LPP: variants seen among roughly 807,000 people sequenced by gnomAD.
The protein encoded by LPP is LIM domain containing preferred translocation partner in lipoma, also known as lipoma-preferred partner.
Under a neutral mutation model 60.4 loss-of-function variants are expected in LPP, and 38 were observed. That is an observed-to-expected ratio of 0.63 (90% confidence interval 0.49 to 0.83). The LOEUF (loss-of-function observed/expected upper bound fraction) is 0.83, where lower values mean the gene tolerates loss of function less well. Ranked by LOEUF, LPP falls within the 40% of genes least tolerant of loss-of-function variation. The pLI is 0.00. For missense variants in LPP, 902 were observed against 783.6 expected (o/e 1.15, Z -1.80); for synonymous variants, 328 against 290.8 (o/e 1.13, Z -1.30).
intron 9 of LPP, among the ~76,000 whole-genome samples, chr3:188,797,022 C>G (rs1745570716): frequency 6.6e-6 from 1 of 152,170 alleles, no homozygotes; most frequent in African/African-American, 2.4e-5. Context: ...GCTTCCATCT[C>G]CACAGACTCT....
At chr3:188,361,408 C>T (rs1010817252) in intron 3 of LPP, among the ~76,000 whole-genome samples, 4 of 150,924 alleles carry the variant, frequency 2.7e-5, no homozygotes, top group African/African-American at 4.9e-5. Context: ...TAGGTTTTTT[C>T]CTTCTTTCAT....
chr3:188,616,272 AG>A (rs1844833397), intron 7 of LPP, among the ~76,000 whole-genome samples: 1 of 152,196 alleles, frequency 6.6e-6, no homozygotes, highest in Non-Finnish European at 1.5e-5. Context: ...ATAAGGTGTA[AG>A]GAAGTAGTCC....
chr3:188,509,775 C>T (rs1483113083), intron 5 of LPP, among the ~76,000 whole-genome samples: 3 of 150,778 alleles, frequency 2.0e-5, no homozygotes, highest in African/African-American at 7.3e-5. Context: ...TCACTGCAAA[C>T]TCCGCCTCCT....
intron 9 of LPP, among the ~76,000 whole-genome samples, chr3:188,838,416 A>G (rs1187402993): frequency 1.3e-5 from 2 of 152,188 alleles, no homozygotes; most frequent in Non-Finnish European, 2.9e-5. Context: ...AACATTTGAC[A>G]TAATCAGAGT....
At position 188,872,690 on chromosome 3, in the gene LPP, C is replaced by T. The variant is rs1768436688; in HGVS notation, c.1637C>T (p.Ala546Val). Reference sequence around the variant, plus strand: ...GTGTGCAAGGAGCCTATTATGCCAGCCCCGGGCCAGGAGGAGACTGTCCGT... The same window carrying T: ...GTGTGCAAGGAGCCTATTATGCCAGTCCCGGGCCAGGAGGAGACTGTCCGT... ...CSVCKEPIMP[A>V]PGQEETVRIV... Residue 546 changes from alanine to valine, a missense_variant, in exon 11 of 12, where the codon GCC becomes GTC. Ala to Val is a moderately conservative substitution (Grantham distance 64, BLOSUM62 0). Transcript: ENST00000617246. 4 of 1,613,974 alleles carry T rather than the reference C, an allele frequency of 2.5e-6. No individual in the cohort carries two copies. Among genetic ancestry groups the T allele is most frequent in the African/African-American group, 1.3e-5 (1 of 74,916 alleles).
intron 7 of LPP, among the ~76,000 whole-genome samples, chr3:188,703,995 C>T (rs2149632365): frequency 6.6e-6 from 1 of 152,206 alleles, no homozygotes; most frequent in South Asian, 2.1e-4. Context: ...AGACTGAAGA[C>T]AGGAATTATC....
intron 1 of LPP, among the ~76,000 whole-genome samples, chr3:188,209,481 C>T (rs1734138057): frequency 6.6e-6 from 1 of 152,210 alleles, no homozygotes; most frequent in Non-Finnish European, 1.5e-5. Flanking sequence ...AAGCTCCCAG[C>T]CCCGTGATTA....
chr3:188,562,746 G>A (rs1337484674), intron 6 of LPP, among the ~76,000 whole-genome samples: 1 of 152,026 alleles, frequency 6.6e-6, no homozygotes, highest in African/African-American at 2.4e-5. Flanking sequence ...CTCATTTTAA[G>A]TGTGTTTAAT....
chr3:188,309,238 C>G (rs1006061630), intron 2 of LPP, among the ~76,000 whole-genome samples: 10 of 152,026 alleles, frequency 6.6e-5, no homozygotes, highest in African/African-American at 2.4e-4. Flanking sequence ...CCAGGCTGGT[C>G]TTGAACTCCT....
chr3:188,632,484 A>G (rs1332558442), intron 7 of LPP, among the ~76,000 whole-genome samples: 1 of 152,188 alleles, frequency 6.6e-6, no homozygotes, highest in Admixed American at 6.5e-5. Flanking sequence ...TATCTGTAAC[A>G]GTTAAAGTTT....
chr3:188,197,879 C>T (rs1729984048), intron 1 of LPP, among the ~76,000 whole-genome samples: 1 of 152,216 alleles, frequency 6.6e-6, no homozygotes. Flanking sequence ...ATTAGGCGTG[C>T]ATATCGAAAA....
At chr3:188,852,911 G>A (rs1057369576) in intron 9 of LPP, among the ~76,000 whole-genome samples, 1 of 152,166 alleles carries the variant, frequency 6.6e-6, no homozygotes, top group African/African-American at 2.4e-5. Flanking sequence ...GGGAGGCCAA[G>A]GCAGGTGGAT....
intron 6 of LPP, among the ~76,000 whole-genome samples, chr3:188,569,571 CTGTAT>C (rs1833034479): frequency 6.6e-6 from 1 of 151,958 alleles, no homozygotes; most frequent in Non-Finnish European, 1.5e-5. Context: ...TGAGAAGTTA[CTGTAT>C]CACTTCCACA....
At chr3:188,178,279 C>T (rs150049421) in intron 1 of LPP, among the ~76,000 whole-genome samples, 1 of 152,288 alleles carries the variant, frequency 6.6e-6, no homozygotes, top group East Asian at 1.9e-4. Context: ...TTTCCCAGCC[C>T]CCTCCTCATG....
chr3:188,156,177 C>T (rs1344547293), intron 1 of LPP, among the ~76,000 whole-genome samples: 1 of 152,088 alleles, frequency 6.6e-6, no homozygotes, highest in Admixed American at 6.5e-5. Flanking sequence ...AAGCCTGGGG[C>T]CTTAGGGTCT....
chr3:188,312,220 C>A (rs1753695105), intron 2 of LPP, among the ~76,000 whole-genome samples: 2 of 152,152 alleles, frequency 1.3e-5, no homozygotes, highest in South Asian at 4.1e-4. Context: ...CATTTATATA[C>A]ATGCCATTTA....
intron 8 of LPP, among the ~76,000 whole-genome samples, chr3:188,730,552 T>C (rs1720074926): frequency 1.3e-5 from 2 of 152,374 alleles, no homozygotes; most frequent in South Asian, 4.1e-4. Context: ...ATTTATCATA[T>C]TTAACCTTTG....
chr3:188,583,530 C>T (rs1336775991), intron 6 of LPP, among the ~76,000 whole-genome samples: 1 of 152,156 alleles, frequency 6.6e-6, no homozygotes, highest in Non-Finnish European at 1.5e-5. Flanking sequence ...CTTGAACTTC[C>T]TAATCCTTAC....
In LPP at chr3:188,882,371, T is replaced by C. The variant is rs1027498150; in HGVS notation, c.*7892T>C. ...TCCTTCTTAACAGAAAAAAAAGGCT[T>C]CCAAATAATCAGGCTGAATGGGAAG... On this transcript the variant is annotated 3_prime_UTR_variant, in exon 12 of 12. Transcript: ENST00000617246. The C allele has an allele frequency of 8.9e-6, 2 of 225,948 alleles. No homozygotes were observed. Among genetic ancestry groups the C allele is most frequent in the Non-Finnish European group, 1.8e-5 (2 of 113,514 alleles). 14.0% of individuals were successfully genotyped at this position (225,948 alleles called of 1,614,324 possible). A position where few individuals can be genotyped will look rare whatever the true frequency, so the allele number is the denominator to read the frequency against.
Sources: allele counts gnomAD v4.1 joint callset (sites outside exome capture counted in the v4.1 genomes callset), GRCh38; gene constraint gnomAD v4.1.1; transcripts MANE v1.5; gene names NCBI Gene and HGNC (gene_info 2026-07-23, HGNC 2026-07-21).